PDE3A: variants seen among roughly 807,000 people sequenced by gnomAD.
PDE3A encodes the protein cGMP-inhibited 3',5'-cyclic phosphodiesterase 3A.
PDE3A carries 43 observed loss-of-function variants against 98.3 expected under a neutral mutation model. The ratio of observed to expected loss-of-function variants is 0.44; its 90% CI spans 0.34 to 0.56. The LOEUF (loss-of-function observed/expected upper bound fraction) is 0.56, where lower values mean the gene tolerates loss of function less well. PDE3A is among the 20% of genes least tolerant of loss of function. PDE3A has a pLI of 0.01. For synonymous variants in PDE3A, 663 were observed against 567.9 expected, an observed-to-expected ratio of 1.17 and a Z score of -2.38; for missense variants, 1,427 against 1,440.7, an observed-to-expected ratio of 0.99 and a Z score of 0.15.
chr12:20,551,512 G>A lies in PDE3A; in HGVS notation c.961-5148G>A, dbSNP rs1318899370. 4.9e-6 allele frequency: 5 copies of A among 1,020,106 alleles called. No homozygotes were observed. The African/African-American group carries it at 6.5e-5, about 13-fold the overall frequency. 63.2% of individuals were successfully genotyped at this position (1,020,106 alleles called of 1,614,324 possible). ...CTTAGTTGGTGGAGCGATTTGTCTG[G>A]TTAATTCCGATAACGAACGAGACTC... On this transcript the variant is annotated intron_variant, in intron 1 of 15. Coordinates refer to ENST00000359062, the MANE Select transcript of PDE3A (RefSeq NM_000921.5).
intron 1 of PDE3A, among the ~76,000 whole-genome samples, chr12:20,442,822 A>T (rs2120850159): frequency 6.6e-6 from 1 of 152,326 alleles, no homozygotes; most frequent in Admixed American, 6.5e-5. Context: ...AACTTAACAC[A>T]ATAAATGTAA....
chr12:20,644,811 GCCTCCTCCTCCTCCTCCTTCC>G (rs1285025451), intron 10 of PDE3A, among the ~76,000 whole-genome samples: 25 of 149,008 alleles, frequency 1.7e-4, no homozygotes, highest in African/African-American at 5.2e-4. Flanking sequence ...TAGGATTTGA[GCCTCCTCCTCCTCCTCCTTCC>G]CCTCCTCCTC....
At position 20,552,289 on chromosome 12, in the gene PDE3A, C is replaced by T. The variant is rs963208709; in HGVS notation, c.961-4371C>T. ...CAAGTACGCCCCCGCTGAGGGCAAC[C>T]GCTACGATGGCATCTACAAGGTTGT... On this transcript the variant is annotated intron_variant, in intron 1 of 15. Coordinates refer to ENST00000359062, the MANE Select transcript of PDE3A (RefSeq NM_000921.5). This position sits in a 1 kb window ranked among gnomAD's most constrained non-coding sequence, Gnocchi z 5.1. 23 of 1,613,752 alleles carry T rather than the reference C, an allele frequency of 1.4e-5. No individual in the cohort carries two copies. Among genetic ancestry groups the T allele is most frequent in the Middle Eastern group, 1.6e-4 (1 of 6,082 alleles).
intron 1 of PDE3A, among the ~76,000 whole-genome samples, chr12:20,399,078 C>T (rs1172208753): frequency 1.3e-5 from 2 of 152,098 alleles, no homozygotes; most frequent in African/African-American, 4.8e-5. Context: ...TGATGTTTGT[C>T]CTTTTATGAC....
chr12:20,634,794 A>G, intron 7 of PDE3A, 108 bp from the exon 8 acceptor site: 1 of 751,120 alleles, frequency 1.3e-6, no homozygotes, highest in Admixed American at 2.1e-5. Context: ...GGAAAGCAGT[A>G]TTTCCCTAAA....
chr12:20,487,959 G>A (rs954917003), intron 1 of PDE3A, among the ~76,000 whole-genome samples: 1 of 152,048 alleles, frequency 6.6e-6, no homozygotes, highest in African/African-American at 2.4e-5. Flanking sequence ...TTGGAATTAT[G>A]TTTTTATGTT....
intron 2 of PDE3A, among the ~76,000 whole-genome samples, chr12:20,571,468 A>C (rs1423709269): frequency 6.6e-6 from 1 of 152,140 alleles, no homozygotes; most frequent in Non-Finnish European, 1.5e-5. Context: ...TGCATACATG[A>C]TCCTTTTAAG....
chr12:20,386,271 T>G (rs1231472763), intron 1 of PDE3A, among the ~76,000 whole-genome samples: 1 of 133,394 alleles, frequency 7.5e-6, no homozygotes, highest in African/African-American at 2.8e-5. Context: ...ATATATTATA[T>G]TATATTATAG....
rs748168900 is a variant in PDE3A, at chr12:20,630,002, G to A, written c.1635G>A (p.Val545=). 59 of 1,613,804 alleles carry A rather than the reference G, an allele frequency of 3.7e-5. No individual in the cohort carries two copies. The highest frequency in any genetic ancestry group is 4.2e-5 in the Non-Finnish European group (49 of 1,179,890). The change falls in exon 6 of 16, where the codon GTG becomes GTA. Residue 545 remains valine (V), a synonymous_variant. Transcript: ENST00000359062. ...GCCTGGTCAGCAAAATTTCTGCAGT[G>A]CAGTTTCCAGAATCTGCTGACACAA... ...ASSLVSKISA[V]QFPESADTTA...
Position 20,544,652 on chromosome 12 carries a change from T to A in PDE3A, c.961-12008T>A, listed in dbSNP as rs868846379. On this transcript the variant is annotated intron_variant, in intron 1 of 15. Transcript: ENST00000359062. The stretch of plus-strand genomic sequence containing the variant: ...AGTAGCACAGTAAGAATAAAAACGT[T>A]TATGATTTGCAACCAGCCAACCTAT... Among the ~76,000 whole-genome samples, 6 of 152,000 alleles carry A rather than the reference T, an allele frequency of 3.9e-5. No homozygotes were observed. In the South Asian group the frequency reaches 1.2e-3, roughly 32 times the overall value.
intron 1 of PDE3A, among the ~76,000 whole-genome samples, chr12:20,387,169 CT>C (rs1232964807): frequency 6.6e-6 from 1 of 152,086 alleles, no homozygotes; most frequent in East Asian, 1.9e-4. Flanking sequence ...GATTTGGTTA[CT>C]GTGGCCTTGT....
intron 2 of PDE3A, among the ~76,000 whole-genome samples, chr12:20,593,058 A>G (rs1943376997): frequency 6.6e-6 from 1 of 152,196 alleles, no homozygotes; most frequent in Non-Finnish European, 1.5e-5. Context: ...CAACAATATC[A>G]TAATAGATGT....
At chr12:20,425,672 T>A (rs1442973788) in intron 1 of PDE3A, among the ~76,000 whole-genome samples, 1 of 152,198 alleles carries the variant, frequency 6.6e-6, no homozygotes, top group South Asian at 2.1e-4. Context: ...TATTTCTGTG[T>A]TGCTTAGCAT....
At chr12:20,671,172 A>G (rs1264159937) in intron 15 of PDE3A, among the ~76,000 whole-genome samples, 1 of 147,796 alleles carries the variant, frequency 6.8e-6, no homozygotes, top group East Asian at 2.0e-4. Context: ...CTCTGAATAG[A>G]CCAATAACAG....
intron 1 of PDE3A, among the ~76,000 whole-genome samples, chr12:20,543,045 A>G (rs1243086343): frequency 1.3e-5 from 2 of 152,048 alleles, no homozygotes; most frequent in Middle Eastern, 3.2e-3. Flanking sequence ...CAAACTGTAC[A>G]ATACAGATTT....
chr12:20,469,359 T>G (rs1945397343), intron 1 of PDE3A, among the ~76,000 whole-genome samples: 2 of 152,224 alleles, frequency 1.3e-5, no homozygotes, highest in African/African-American at 4.8e-5. Context: ...TGTAATATCC[T>G]GCCAGTTTCA....
rs1319843101 is a variant in PDE3A at position 20,473,686 on chromosome 12, T to TTA, written c.961-82962_961-82961dup. Among the ~76,000 whole-genome samples the TTA allele has an allele frequency of 5.2e-3, 784 of 151,860 alleles. 6 individuals are homozygous for TTA. Among genetic ancestry groups the TTA allele is most frequent in the African/African-American group, 0.017 (712 of 41,456 alleles). ...TAGCATGGATCTCTTAAAAATAGAA[T>TTA]TATATATATATATGTTTATTTTTGT... On this transcript the variant is annotated intron_variant, in intron 1 of 15. Transcript: ENST00000359062.
chr12:20,507,100 G>A (rs879731082), intron 1 of PDE3A, among the ~76,000 whole-genome samples: 5 of 151,850 alleles, frequency 3.3e-5, no homozygotes, highest in Non-Finnish European at 7.4e-5. Flanking sequence ...GCACAGTTCC[G>A]CATTCACTTT....
intron 1 of PDE3A, among the ~76,000 whole-genome samples, chr12:20,439,931 A>T (rs1429897804): frequency 6.6e-6 from 1 of 152,162 alleles, no homozygotes; most frequent in African/African-American, 2.4e-5. Flanking sequence ...AAATAACTCT[A>T]CATAAATGAT....
Sources: allele counts gnomAD v4.1 joint callset (sites outside exome capture counted in the v4.1 genomes callset), GRCh38; gene constraint gnomAD v4.1.1; non-coding constraint Gnocchi (gnomAD v3.1); transcripts MANE v1.5; gene names NCBI Gene and HGNC (gene_info 2026-07-23, HGNC 2026-07-21).